STK35: variants seen among roughly 807,000 people sequenced by gnomAD.
STK35 encodes serine/threonine kinase 35.
Under a neutral mutation model 37.3 loss-of-function variants are expected in STK35, and 17 were observed. That is an observed-to-expected ratio of 0.46 (90% confidence interval 0.31 to 0.68). The LOEUF is 0.68. Ranked by LOEUF, STK35 falls within the 30% of genes least tolerant of loss-of-function variation. The pLI is 0.05. For synonymous variants in STK35, 385 were observed against 319.1 expected (o/e 1.21, Z -2.20); for missense variants, 595 against 746.7 (o/e 0.80, Z 2.37).
intron 2 of STK35, among the ~76,000 whole-genome samples, chr20:2,115,177 A>G (rs966865074): frequency 9.8e-5 from 15 of 152,344 alleles, no homozygotes; most frequent in African/African-American, 2.4e-4. Flanking sequence ...ATTGTGATCA[A>G]AAACCTAAAG....
chr20:2,139,535 G>A (rs143700401), intron 3 of STK35, among the ~76,000 whole-genome samples: 111 of 152,326 alleles, frequency 7.3e-4, no homozygotes, highest in African/African-American at 2.6e-3. Context: ...GGGATTTGGA[G>A]TGAGACTGCC....
chr20:2,120,279 G>A (rs1985793655), intron 3 of STK35, among the ~76,000 whole-genome samples: 1 of 152,222 alleles, frequency 6.6e-6, no homozygotes, highest in African/African-American at 2.4e-5. Flanking sequence ...CTGTTTTGCA[G>A]GGCAGTTTTG....
intron 3 of STK35, among the ~76,000 whole-genome samples, chr20:2,122,463 G>GT (rs1225128147): frequency 6.6e-5 from 10 of 152,146 alleles, no homozygotes; most frequent in Non-Finnish European, 1.3e-4. Context: ...ACTAGTTTCA[G>GT]TTTTTTTGCA....
chr20:2,133,038 CACTA>C (rs1297236755), intron 3 of STK35, among the ~76,000 whole-genome samples: 1 of 152,244 alleles, frequency 6.6e-6, no homozygotes, highest in African/African-American at 2.4e-5. Flanking sequence ...CTTTGCTTCT[CACTA>C]ACAATTTGTG....
chr20:2,111,938 C>A (rs1005605638), intron 2 of STK35, among the ~76,000 whole-genome samples: 1 of 152,178 alleles, frequency 6.6e-6, no homozygotes, highest in African/African-American at 2.4e-5. Flanking sequence ...TTCCTCTCAT[C>A]CCAGCTTCTC....
chr20:2,114,933 T>G (rs1183522466), intron 2 of STK35, among the ~76,000 whole-genome samples: 6 of 152,218 alleles, frequency 3.9e-5, no homozygotes. Context: ...CTCTCCTTTT[T>G]GTGGGTCTTT....
chr20:2,140,922 T>C (rs1399315809), intron 3 of STK35, among the ~76,000 whole-genome samples: 1 of 152,244 alleles, frequency 6.6e-6, no homozygotes, highest in Non-Finnish European at 1.5e-5. Context: ...TTGCCAACAC[T>C]GCTTTTCAGC....
chr20:2,114,444 G>A (rs1156723935), intron 2 of STK35, among the ~76,000 whole-genome samples: 3 of 152,090 alleles, frequency 2.0e-5, no homozygotes, highest in East Asian at 1.9e-4. Flanking sequence ...ACCTTGACTC[G>A]TAAAAATAAT....
At chr20:2,123,632 C>G (rs1250672797) in intron 3 of STK35, among the ~76,000 whole-genome samples, 2 of 152,174 alleles carry the variant, frequency 1.3e-5, no homozygotes, top group Non-Finnish European at 2.9e-5. Context: ...CCAAGTTAAT[C>G]AGCAGTGATA....
At chr20:2,135,913 A>G (rs1217213049) in intron 3 of STK35, among the ~76,000 whole-genome samples, 1 of 152,172 alleles carries the variant, frequency 6.6e-6, no homozygotes, top group African/African-American at 2.4e-5. Context: ...CGGAAGGATC[A>G]CTTAAGCCAG....
rs185897700 is a variant in STK35, at chr20:2,108,564, G to C, written c.892+5199G>C. Among the ~76,000 whole-genome samples, 9 of 152,282 alleles carry C rather than the reference G, an allele frequency of 5.9e-5. 1 individual carries two copies. The highest frequency in any genetic ancestry group is 4.1e-4 in the South Asian group (2 of 4,822). ...TTTGTTTTTAGTTGTATATTGATCA[G>C]TGCTTGTGGCACTGCTGATTTCTGT... On this transcript the variant is annotated intron_variant, in intron 2 of 3. Coordinates refer to ENST00000381482, the MANE Select transcript of STK35 (RefSeq NM_080836.4).
chr20:2,111,845 G>A lies in STK35; in HGVS notation c.893-4821G>A, dbSNP rs548289597. ...TATCCAGACTACTCGTGTCCCTGGC[G>A]CACACCCACCTGCTCCTGTGCCCAC... On this transcript the variant is annotated intron_variant, in intron 2 of 3. Coordinates refer to ENST00000381482, the MANE Select transcript of STK35 (RefSeq NM_080836.4). Among the ~76,000 whole-genome samples the A allele has an allele frequency of 3.3e-5, 5 of 152,230 alleles. No homozygotes were observed. The South Asian group carries it at 6.2e-4, about 19-fold the overall frequency.
At position 2,102,885 on chromosome 20, in the gene STK35, A is replaced by C. The variant is rs780890330; in HGVS notation, c.412A>C (p.Lys138Gln). The stretch of plus-strand genomic sequence containing the variant: ...GCCGCCCGCAGCCATGGAAACGGGG[A>C]AGGACGGCGCCCGCAGAGGTACACA... ...PPPPAAMETGKDGARRGTQSP... is the reference protein window; with the variant it reads ...PPPPAAMETGQDGARRGTQSP... Residue 138 changes from lysine to glutamine, a missense_variant, in exon 2 of 4, where the codon AAG becomes CAG. Around this residue, in one of 3 missense-constraint regions of STK35, gnomAD observed 389 missense variants for 320.0 expected, o/e 1.22. Transcript: ENST00000381482. The C allele has an allele frequency of 1.9e-6, 3 of 1,566,328 alleles. No individual in the cohort carries two copies. The Admixed American group carries it at 5.3e-5, about 28-fold the overall frequency.
chr20:2,140,259 G>A (rs980582545), intron 3 of STK35, among the ~76,000 whole-genome samples: 1 of 152,216 alleles, frequency 6.6e-6, no homozygotes, highest in Non-Finnish European at 1.5e-5. Context: ...TCCACAGAGA[G>A]GAATGAGAAG....
chr20:2,130,823 C>T (rs778331683), intron 3 of STK35, among the ~76,000 whole-genome samples: 16 of 152,110 alleles, frequency 1.1e-4, no homozygotes, highest in South Asian at 2.1e-4. Context: ...CTTATCTGGA[C>T]GGTCAGCCAG....
At chr20:2,133,604 G>A (rs1270719316) in intron 3 of STK35, among the ~76,000 whole-genome samples, 1 of 152,190 alleles carries the variant, frequency 6.6e-6, no homozygotes, top group Non-Finnish European at 1.5e-5. Flanking sequence ...GAAAGACGAG[G>A]TTTAAGTGAG....
At position 2,117,605 on chromosome 20, in the gene STK35, C is replaced by T. The variant is rs992464113; in HGVS notation, c.*37+190C>T. Among the ~76,000 whole-genome samples, 6 of 152,080 alleles carry T rather than the reference C, an allele frequency of 3.9e-5. No individual in the cohort carries two copies. The highest frequency in any genetic ancestry group is 1.3e-4 in the Admixed American group (2 of 15,266). On this transcript the variant is annotated intron_variant, in intron 3 of 3. Coordinates refer to ENST00000381482, the MANE Select transcript of STK35 (RefSeq NM_080836.4). This position sits in a 1 kb window ranked among gnomAD's most constrained non-coding sequence, Gnocchi z 4.4. ...GATTACAGGCACCTGCCATCATGCC[C>T]GGCTAATTTTTGTATTTTTAGTAGA...
chr20:2,108,237 G>A (rs980874136), intron 2 of STK35, among the ~76,000 whole-genome samples: 9 of 152,276 alleles, frequency 5.9e-5, no homozygotes, highest in East Asian at 1.9e-4. Context: ...GGCCGTGTGC[G>A]GTGGCTCACA....
At position 2,106,624 on chromosome 20, in the gene STK35, G is replaced by A. The variant is rs552417736; in HGVS notation, c.892+3259G>A. Among the ~76,000 whole-genome samples the A allele has an allele frequency of 2.0e-4, 31 of 152,378 alleles. 1 individual carries two copies. In the South Asian group the frequency reaches 6.2e-3, roughly 31 times the overall value. On this transcript the variant is annotated intron_variant, in intron 2 of 3. Transcript: ENST00000381482. ...AGTTAGGGAGAAGGTGGGCTTGAAAGTAGGGTGCCTAGGACTGTGGATAGG... is the reference window on the plus strand; with the variant it reads ...AGTTAGGGAGAAGGTGGGCTTGAAAATAGGGTGCCTAGGACTGTGGATAGG...
Sources: allele counts gnomAD v4.1 joint callset (sites outside exome capture counted in the v4.1 genomes callset), GRCh38; gene constraint gnomAD v4.1.1; regional missense constraint gnomAD v4.1.1; non-coding constraint Gnocchi (gnomAD v3.1); transcripts MANE v1.5; gene names NCBI Gene and HGNC (gene_info 2026-07-23, HGNC 2026-07-21).